The following CSMD2 variants were observed in gnomAD, a reference collection of about 807,000 sequenced individuals.
The protein encoded by CSMD2 is CUB and Sushi multiple domains 2.
In CSMD2, 130 loss-of-function variants were observed where a neutral mutation model predicts 398.5. The observed-to-expected ratio is 0.33, with a 90% CI of 0.28 to 0.38. The LOEUF (loss-of-function observed/expected upper bound fraction) is 0.38. Ranked by LOEUF, CSMD2 falls within the 10% of genes least tolerant of loss-of-function variation. CSMD2 has a pLI of 1.00. For synonymous variants in CSMD2, 1,828 were observed against 1,908.5 expected (o/e 0.96, Z 1.10); for missense variants, 3,829 against 4,764.9 (o/e 0.80, Z 5.78).
chr1:33,952,156 C>T (rs563199147), intron 3 of CSMD2, among the ~76,000 whole-genome samples: 24 of 152,250 alleles, frequency 1.6e-4, no homozygotes, highest in African/African-American at 5.1e-4. Flanking sequence ...GCTGTGATGA[C>T]CCCAAGTATC....
intron 6 of CSMD2, among the ~76,000 whole-genome samples, chr1:33,830,359 CTG>C (rs1659389076): frequency 1.3e-5 from 2 of 152,294 alleles, no homozygotes; most frequent in Admixed American, 6.5e-5. Context: ...TCACGAAAAT[CTG>C]CTGTTCTGCA....
At chr1:34,094,866 C>T (rs943844865) in intron 1 of CSMD2, among the ~76,000 whole-genome samples, 2 of 149,984 alleles carry the variant, frequency 1.3e-5, no homozygotes, top group African/African-American at 4.9e-5. Flanking sequence ...AGAAAGTCAA[C>T]AAGGATACCC....
intron 10 of CSMD2, among the ~76,000 whole-genome samples, chr1:33,809,888 T>C (rs12040423): frequency 0.11 from 16,235 of 152,060 alleles, 1,092 homozygotes; most frequent in East Asian, 0.27. Flanking sequence ...ATGTGCAATT[T>C]TAAAAGATTT....
chr1:34,003,145 C>T (rs1409949317), intron 3 of CSMD2, among the ~76,000 whole-genome samples: 1 of 152,166 alleles, frequency 6.6e-6, no homozygotes, highest in East Asian at 1.9e-4. Context: ...TTCTCCAACT[C>T]CCATTCCCCT....
intron 5 of CSMD2, among the ~76,000 whole-genome samples, chr1:33,880,830 T>G (rs142232909): frequency 1.3e-5 from 2 of 152,334 alleles, no homozygotes; most frequent in African/African-American, 4.8e-5. Context: ...TTGGTTCAAA[T>G]TAGCAAAATA....
chr1:33,863,900 A>G (rs932276965), intron 5 of CSMD2: 2 of 324,072 alleles, frequency 6.2e-6, no homozygotes, highest in Non-Finnish European at 1.1e-5. Context: ...ATGAACCATC[A>G]TCTTTCATGA....
At chr1:33,950,779 T>G (rs1644985267) in intron 3 of CSMD2, among the ~76,000 whole-genome samples, 1 of 152,190 alleles carries the variant, frequency 6.6e-6, no homozygotes, top group South Asian at 2.1e-4. Flanking sequence ...GCAACTGTCC[T>G]GGGGCACAGG....
chr1:34,094,260 G>A (rs1659001183), intron 1 of CSMD2, among the ~76,000 whole-genome samples: 1 of 152,054 alleles, frequency 6.6e-6, no homozygotes, highest in African/African-American at 2.4e-5. Context: ...TGAAGGAAGT[G>A]CTAAACATGG....
At chr1:33,792,741 G>A (rs1325840939) in intron 10 of CSMD2, among the ~76,000 whole-genome samples, 3 of 152,184 alleles carry the variant, frequency 2.0e-5, no homozygotes, top group Non-Finnish European at 2.9e-5. Context: ...TGTTTCTGAA[G>A]ATGTTCATAG....
At chr1:33,724,176 G>T (rs1403901034) in intron 19 of CSMD2, 21 bp downstream of exon 19, 1 of 1,560,084 alleles carries the variant, frequency 6.4e-7, no homozygotes, top group Non-Finnish European at 8.8e-7. Context: ...CCCAATGCCT[G>T]CTATGGGCTG....
intron 1 of CSMD2, among the ~76,000 whole-genome samples, chr1:34,136,642 A>T (rs940164412): frequency 6.6e-6 from 1 of 152,182 alleles, no homozygotes; most frequent in Admixed American, 6.5e-5. Context: ...AATTCCCATG[A>T]TGCCTTTAAT....
At chr1:33,989,851 T>A (rs1380705386) in intron 3 of CSMD2, among the ~76,000 whole-genome samples, 2 of 152,088 alleles carry the variant, frequency 1.3e-5, no homozygotes, top group South Asian at 2.1e-4. Context: ...GGGAGGAGAA[T>A]GACTAAGAAC....
intron 7 of CSMD2, among the ~76,000 whole-genome samples, chr1:33,823,074 A>G (rs1033049225): frequency 4.6e-5 from 7 of 152,128 alleles, no homozygotes; most frequent in Non-Finnish European, 8.8e-5. Flanking sequence ...AGTCTGCCCC[A>G]TCAGGACGGG....
rs1362862017 is a variant in CSMD2, at chr1:33,514,015, A to C, written c.*2609T>G. 6.6e-6 allele frequency: 1 copy of C among 152,644 alleles called. No homozygotes were observed. Among genetic ancestry groups the C allele is most frequent in the Non-Finnish European group, 1.5e-5 (1 of 68,038 alleles). The allele number at this position is 152,644 out of a possible 1,614,324, so 9.5% of individuals were successfully genotyped here. A position where few individuals can be genotyped will look rare whatever the true frequency, so the allele number is the denominator to read the frequency against. ...CATAAAAATGTAAGAAAACCAATGC[A>C]AAAATTTATATTTTATTTGAATTCA... On this transcript the variant is annotated 3_prime_UTR_variant, in exon 71 of 71. Transcript: ENST00000373381.
Position 33,635,368 on chromosome 1 carries a change from T to C in CSMD2, c.4970-38A>G, listed in dbSNP as rs1201074862. ...CCAGATAGAGAGTCAGGTGACCTTG[T>C]GGGCCTCTTACCAGTGACCATCCTC... On this transcript the variant is annotated intron_variant, in intron 30 of 70. Transcript: ENST00000373381. This position sits in a 1 kb window ranked among gnomAD's most constrained non-coding sequence, Gnocchi z 5.0. The C allele has an allele frequency of 2.3e-6, 3 of 1,287,306 alleles. No individual in the cohort carries two copies. In the Admixed American group the frequency reaches 5.1e-5, roughly 22 times the overall value. 79.7% of individuals were successfully genotyped at this position (1,287,306 alleles called of 1,614,324 possible). A position where few individuals can be genotyped will look rare whatever the true frequency, so the allele number is the denominator to read the frequency against.
intron 13 of CSMD2, among the ~76,000 whole-genome samples, chr1:33,748,815 T>C (rs1486197074): frequency 6.6e-6 from 1 of 152,224 alleles, no homozygotes; most frequent in East Asian, 1.9e-4. Flanking sequence ...GTATATTATA[T>C]GAAACTCTGT....
At chr1:34,165,408 G>A (rs904629393), upstream of CSMD2, 1 of 854,952 alleles carries the variant, frequency 1.2e-6, no homozygotes, top group South Asian at 2.9e-5. Flanking sequence ...CGCAGCTAAG[G>A]ATAAAATATT....
intron 44 of CSMD2, among the ~76,000 whole-genome samples, chr1:33,598,048 C>T (rs574496737): frequency 6.6e-6 from 1 of 152,070 alleles, no homozygotes; most frequent in Non-Finnish European, 1.5e-5. Context: ...TGGAGACTCA[C>T]ATATGGAGTA....
rs76067524 is a variant in CSMD2, at chr1:34,117,591, C to T, written c.188-28398G>A. On this transcript the variant is annotated intron_variant, in intron 1 of 70. Coordinates refer to ENST00000373381, the MANE Select transcript of CSMD2 (RefSeq NM_001281956.2). ...CCCCAAAATTGAAGAGGACAGAACA[C>T]TTCCAAAATAATTTTATGAGCCTAG... Among the ~76,000 whole-genome samples, 1,491 of 151,992 alleles carry T rather than the reference C, an allele frequency of 9.8e-3. 24 individuals carry two copies. Among genetic ancestry groups the T allele is most frequent in the African/African-American group, 0.034 (1,400 of 41,490 alleles).
Sources: allele counts gnomAD v4.1 joint callset (sites outside exome capture counted in the v4.1 genomes callset), GRCh38; gene constraint gnomAD v4.1.1; non-coding constraint Gnocchi (gnomAD v3.1); transcripts MANE v1.5; gene names NCBI Gene and HGNC (gene_info 2026-07-23, HGNC 2026-07-21).